The following LRP1B variants were observed in gnomAD, a reference collection of about 807,000 sequenced individuals.
LRP1B encodes the protein LDL receptor related protein 1B.
In LRP1B, 217 loss-of-function variants were observed where a neutral mutation model predicts 556.6. The observed-to-expected ratio is 0.39, with a 90% CI of 0.35 to 0.44. The LOEUF (loss-of-function observed/expected upper bound fraction) is 0.44. Ranked by LOEUF, LRP1B falls within the 20% of genes least tolerant of loss-of-function variation. The pLI is 1.00. For missense variants in LRP1B, 5,053 were observed against 5,620.8 expected (o/e 0.90, Z 3.23); for synonymous variants, 2,047 against 1,865.8 (o/e 1.10, Z -2.50).
intron 7 of LRP1B, among the ~76,000 whole-genome samples, chr2:141,100,310 T>A (rs1700428134): frequency 6.6e-6 from 1 of 152,190 alleles, no homozygotes; most frequent in South Asian, 2.1e-4. Context: ...GGAGCTTTTC[T>A]TTGACCTTGA....
At chr2:140,590,253 TA>T (rs34860332) in intron 43 of LRP1B, among the ~76,000 whole-genome samples, 51,319 of 147,268 alleles carry the variant, frequency 0.35, 9,149 homozygotes, top group African/African-American at 0.36. Context: ...TATATATACA[TA>T]ATATATAATG....
chr2:141,035,450 GTTTCA>G (rs755836786), intron 11 of LRP1B, among the ~76,000 whole-genome samples: 33 of 151,814 alleles, frequency 2.2e-4, no homozygotes, highest in Non-Finnish European at 4.1e-4. Flanking sequence ...TTAGTCCCTC[GTTTCA>G]TTTATTATTT....
intron 3 of LRP1B, among the ~76,000 whole-genome samples, chr2:141,427,390 G>A (rs1680409816): frequency 6.6e-6 from 1 of 152,098 alleles, no homozygotes; most frequent in Non-Finnish European, 1.5e-5. Flanking sequence ...AGGCAAAATG[G>A]CCAATATGGC....
chr2:141,902,307 T>C (rs1699641339), intron 1 of LRP1B, among the ~76,000 whole-genome samples: 1 of 151,894 alleles, frequency 6.6e-6, no homozygotes, highest in Admixed American at 6.6e-5. Flanking sequence ...CTATATTCAC[T>C]GTTAAATTTT....
Position 141,303,097 on chromosome 2 carries a change from T to A in LRP1B, c.344-48456A>T, listed in dbSNP as rs573417061. ...AATACCCATATGCTAATTGGAGATC[T>A]ATCTTTTTAAGAACAAATGACTCAA... On this transcript the variant is annotated intron_variant, in intron 3 of 90. Coordinates refer to ENST00000389484, the MANE Select transcript of LRP1B (RefSeq NM_018557.3). Among the ~76,000 whole-genome samples, 9 of 152,260 alleles carry A rather than the reference T, an allele frequency of 5.9e-5. No individual in the cohort carries two copies. The South Asian group carries it at 1.9e-3, about 32-fold the overall frequency.
At chr2:140,866,542 A>G (rs1692958806) in intron 27 of LRP1B, among the ~76,000 whole-genome samples, 1 of 152,104 alleles carries the variant, frequency 6.6e-6, no homozygotes. Context: ...TATGTATAGA[A>G]ACTCCCATGT....
chr2:141,274,675 A>T (rs1037249102), intron 3 of LRP1B, among the ~76,000 whole-genome samples: 3 of 152,184 alleles, frequency 2.0e-5, no homozygotes, highest in African/African-American at 7.2e-5. Context: ...TTAGATTTTC[A>T]TACTTCAGTT....
chr2:140,698,658 A>G (rs541201814), intron 41 of LRP1B, among the ~76,000 whole-genome samples: 1 of 152,162 alleles, frequency 6.6e-6, no homozygotes, highest in African/African-American at 2.4e-5. Flanking sequence ...GAGCGTTTTA[A>G]TAATAGCCTT....
intron 2 of LRP1B, among the ~76,000 whole-genome samples, chr2:141,768,116 C>T (rs1020749840): frequency 1.3e-5 from 2 of 152,044 alleles, no homozygotes; most frequent in Non-Finnish European, 2.9e-5. Context: ...ATGTAAGGAG[C>T]CTCAAAATAA....
intron 41 of LRP1B, among the ~76,000 whole-genome samples, chr2:140,681,940 T>A (rs532644523): frequency 1.3e-5 from 2 of 152,162 alleles, no homozygotes; most frequent in Non-Finnish European, 2.9e-5. Context: ...AGAAATTTCA[T>A]GAATGGGAGA....
chr2:140,730,295 C>T (rs1687732761), intron 35 of LRP1B, among the ~76,000 whole-genome samples: 1 of 152,112 alleles, frequency 6.6e-6, no homozygotes, highest in Admixed American at 6.6e-5. Context: ...GCTTAACATT[C>T]TTTATGTACT....
At chr2:141,945,163 A>G (rs1373409480) in intron 1 of LRP1B, among the ~76,000 whole-genome samples, 4 of 152,080 alleles carry the variant, frequency 2.6e-5, no homozygotes, top group African/African-American at 7.2e-5. Context: ...TTCCTTCCTG[A>G]TTACCACATT....
intron 3 of LRP1B, among the ~76,000 whole-genome samples, chr2:141,327,647 A>G (rs1378487424): frequency 6.6e-6 from 1 of 152,174 alleles, no homozygotes; most frequent in Non-Finnish European, 1.5e-5. Flanking sequence ...AAAATAATAG[A>G]TCACATTTCA....
chr2:141,641,040 T>C (rs1272997847), intron 2 of LRP1B, among the ~76,000 whole-genome samples: 2 of 152,150 alleles, frequency 1.3e-5, no homozygotes, highest in Non-Finnish European at 2.9e-5. Context: ...TCAATATCCA[T>C]TGAGAGAAAC....
At chr2:140,288,857 CTT>C (rs1683265083) in intron 84 of LRP1B, among the ~76,000 whole-genome samples, 1 of 151,710 alleles carries the variant, frequency 6.6e-6, no homozygotes, top group Non-Finnish European at 1.5e-5. Flanking sequence ...CTTTCATTGT[CTT>C]TACACTGCTT....
intron 3 of LRP1B, among the ~76,000 whole-genome samples, chr2:141,430,322 A>G (rs1680516859): frequency 6.6e-6 from 1 of 152,192 alleles, no homozygotes; most frequent in Non-Finnish European, 1.5e-5. Flanking sequence ...AATGTTCAAT[A>G]TCTCTTGTGA....
intron 3 of LRP1B, among the ~76,000 whole-genome samples, chr2:141,390,678 A>T (rs1012527343): frequency 6.6e-6 from 1 of 152,248 alleles, no homozygotes; most frequent in African/African-American, 2.4e-5. Context: ...GAAGCCAGAC[A>T]CAAAGGTCAC....
At chr2:140,513,343 C>A (rs202135602) in intron 51 of LRP1B, among the ~76,000 whole-genome samples, 1 of 151,848 alleles carries the variant, frequency 6.6e-6, no homozygotes, top group Non-Finnish European at 1.5e-5. Context: ...ATCAACGGGG[C>A]AGTTTAGTGT....
chr2:140,594,285 A>G (rs1558991419), intron 43 of LRP1B, among the ~76,000 whole-genome samples: 1 of 152,202 alleles, frequency 6.6e-6, no homozygotes, highest in Non-Finnish European at 1.5e-5. Context: ...TAAAAAAATT[A>G]AAACAAACAA....
Sources: allele counts gnomAD v4.1 joint callset (sites outside exome capture counted in the v4.1 genomes callset), GRCh38; gene constraint gnomAD v4.1.1; transcripts MANE v1.5; gene names NCBI Gene and HGNC (gene_info 2026-07-23, HGNC 2026-07-21).